The following PROM1 variants were observed in gnomAD, a reference collection of about 807,000 sequenced individuals.
The protein encoded by PROM1 is prominin 1, also known as prominin-1.
A neutral mutation model predicts 116.9 loss-of-function variants in PROM1; 105 were observed. The ratio of observed to expected loss-of-function variants is 0.90; its 90% CI spans 0.77 to 1.06. The LOEUF (loss-of-function observed/expected upper bound fraction) is 1.06, where lower values mean the gene tolerates loss of function less well. Ranked by LOEUF, PROM1 falls within the 50% of genes least tolerant of loss-of-function variation. The pLI is 0.00. For missense variants in PROM1, 1,122 were observed against 1,045.2 expected (o/e 1.07, Z -1.01); for synonymous variants, 393 against 387.0 (o/e 1.02, Z -0.18).
intron 2 of PROM1, among the ~76,000 whole-genome samples, chr4:16,050,901 T>C (rs1292167024): frequency 6.6e-6 from 1 of 152,240 alleles, no homozygotes; most frequent in Admixed American, 6.5e-5. Flanking sequence ...TCAGAGTCTG[T>C]ACTGCATTCT....
chr4:16,072,217 C>T (rs1484224576), intron 2 of PROM1, among the ~76,000 whole-genome samples: 4 of 152,094 alleles, frequency 2.6e-5, no homozygotes, highest in African/African-American at 9.7e-5. Context: ...TAAGCTGGAA[C>T]TTGAGAAAAA....
chr4:15,972,524 C>T (rs1295415222), intron 26 of PROM1, among the ~76,000 whole-genome samples: 1 of 152,188 alleles, frequency 6.6e-6, no homozygotes, highest in Non-Finnish European at 1.5e-5. Context: ...CATGACTTAA[C>T]CACCTGTCCA....
chr4:16,043,851 C>T (rs1735898800), intron 2 of PROM1, among the ~76,000 whole-genome samples: 1 of 152,176 alleles, frequency 6.6e-6, no homozygotes, highest in African/African-American at 2.4e-5. Context: ...TGGGAGTGAG[C>T]AGCCCTGTGA....
intron 2 of PROM1, among the ~76,000 whole-genome samples, chr4:16,051,514 T>C (rs1737880214): frequency 6.6e-6 from 1 of 152,234 alleles, no homozygotes; most frequent in Admixed American, 6.5e-5. Flanking sequence ...AGGCACCTAT[T>C]GTGTGCCAAG....
At chr4:15,972,251 T>C (rs549916993) in intron 26 of PROM1, among the ~76,000 whole-genome samples, 1 of 152,174 alleles carries the variant, frequency 6.6e-6, no homozygotes, top group African/African-American at 2.4e-5. Context: ...AAGCAGTGTC[T>C]TAGTATGTTT....
chr4:16,061,371 CAT>C (rs1740275606), intron 2 of PROM1, among the ~76,000 whole-genome samples: 1 of 152,218 alleles, frequency 6.6e-6, no homozygotes, highest in Admixed American at 6.5e-5. Context: ...TAGGAAGAAT[CAT>C]GTGTACTATT....
intron 7 of PROM1, 85 bp from the exon 8 acceptor site, chr4:16,023,500 G>T: frequency 9.1e-7 from 1 of 1,102,960 alleles, no homozygotes; most frequent in Non-Finnish European, 1.3e-6. Context: ...ACTGCCTCAA[G>T]CCCCTCCTGC....
chr4:16,043,603 G>A (rs1164176253), intron 2 of PROM1, among the ~76,000 whole-genome samples: 2 of 152,218 alleles, frequency 1.3e-5, no homozygotes, highest in African/African-American at 4.8e-5. Flanking sequence ...AGCCCCACAT[G>A]AGAACCAGCC....
chr4:16,012,367 A>G (rs781426763), intron 11 of PROM1, among the ~76,000 whole-genome samples: 5 of 152,148 alleles, frequency 3.3e-5, no homozygotes, highest in Admixed American at 6.5e-5. Flanking sequence ...CTTCCACTGC[A>G]TTCTCTCCCT....
intron 24 of PROM1, 117 bp downstream of exon 24, chr4:15,980,305 A>T: frequency 1.8e-5 from 2 of 111,588 alleles, no homozygotes; most frequent in Non-Finnish European, 3.1e-5. Flanking sequence ...ACTACTACTA[A>T]AAAAAAAAAA....
At chr4:16,014,904 TG>T in intron 10 of PROM1, among the ~76,000 whole-genome samples, 1 of 152,204 alleles carries the variant, frequency 6.6e-6, no homozygotes, top group East Asian at 1.9e-4. Flanking sequence ...CCTGCGTTTT[TG>T]GGGGTTTACA....
chr4:15,996,384 C>G (rs1158002966), intron 15 of PROM1, among the ~76,000 whole-genome samples: 1 of 152,096 alleles, frequency 6.6e-6, no homozygotes. Flanking sequence ...GTGACAGACA[C>G]CTGTAATCCC....
chr4:16,065,124 G>A (rs974748839), intron 2 of PROM1, among the ~76,000 whole-genome samples: 3 of 152,088 alleles, frequency 2.0e-5, no homozygotes, highest in Non-Finnish European at 4.4e-5. Flanking sequence ...GCTTTGGCAG[G>A]GTTAGAGGTT....
intron 2 of PROM1, among the ~76,000 whole-genome samples, chr4:16,055,883 A>T (rs1207801334): frequency 6.6e-6 from 1 of 152,182 alleles, no homozygotes; most frequent in Non-Finnish European, 1.5e-5. Context: ...TGGGAAAAGA[A>T]TCCTAAACAC....
intron 23 of PROM1, among the ~76,000 whole-genome samples, chr4:15,983,694 T>G (rs1448194642): frequency 2.0e-5 from 3 of 152,064 alleles, no homozygotes; most frequent in Admixed American, 1.3e-4. Context: ...AGATCTGGAA[T>G]GGGGAGGCTC....
chr4:15,986,171 A>G (rs1719358411), intron 20 of PROM1, 134 bp from the exon 21 acceptor site: 1 of 629,452 alleles, frequency 1.6e-6, no homozygotes, highest in Non-Finnish European at 2.7e-6. Flanking sequence ...AGAGGAAGAC[A>G]GAACCCACCC....
At chr4:16,060,475 G>A (rs904699629) in intron 2 of PROM1, among the ~76,000 whole-genome samples, 3 of 152,094 alleles carry the variant, frequency 2.0e-5, no homozygotes, top group South Asian at 2.1e-4. Context: ...TACCACGCCC[G>A]GCTAATTTTT....
chr4:16,032,626 G>GA (rs1578132684), intron 5 of PROM1, among the ~76,000 whole-genome samples: 1 of 152,286 alleles, frequency 6.6e-6, no homozygotes, highest in East Asian at 1.9e-4. Flanking sequence ...GAACACTGCT[G>GA]TGGCGCACTC....
intron 5 of PROM1, among the ~76,000 whole-genome samples, chr4:16,031,566 G>T (rs1006753162): frequency 5.9e-5 from 9 of 152,038 alleles, no homozygotes; most frequent in African/African-American, 1.9e-4. Context: ...GAAAAAAATA[G>T]CAAGGATCAA....
Sources: allele counts gnomAD v4.1 joint callset (sites outside exome capture counted in the v4.1 genomes callset), GRCh38; gene constraint gnomAD v4.1.1; transcripts MANE v1.5; gene names NCBI Gene and HGNC (gene_info 2026-07-23, HGNC 2026-07-21).